The following SNAPC4 variants were observed in gnomAD, a reference collection of about 807,000 sequenced individuals.
SNAPC4 encodes the protein snRNA-activating protein complex subunit 4.
A neutral mutation model predicts 151.3 loss-of-function variants in SNAPC4; 127 were observed. That is an observed-to-expected ratio of 0.84 (90% CI 0.73 to 0.97). SNAPC4 has a LOEUF of 0.97. SNAPC4 is among the 50% of genes least tolerant of loss of function. The pLI is 0.00. For missense variants in SNAPC4, 2,186 were observed against 1,935.0 expected (o/e 1.13, Z -2.43); for synonymous variants, 1,002 against 824.4 (o/e 1.22, Z -3.69).
chr9:136,387,766 A>G lies in SNAPC4; in HGVS notation c.1206T>C (p.Gly402=). 1 of 1,611,414 alleles carries G rather than the reference A, an allele frequency of 6.2e-7. No individual in the cohort carries two copies. The highest frequency in any genetic ancestry group is 8.5e-7 in the Non-Finnish European group (1 of 1,177,664). The change falls in exon 12 of 24, where the codon GGT becomes GGC. Residue 402 remains glycine (G), a synonymous_variant. Transcript: ENST00000684778. ...TKSLDPGLKK[G]YWAPEEDAKL... is the part of the protein sequence containing the mutation. ...CAGCATCTTCCTCCGGGGCCCAGTA[A>G]CCCTTCTTCAGACCAGGATCCAAGC...
chr9:136,381,092 G>A (rs888366204), intron 19 of SNAPC4, among the ~76,000 whole-genome samples: 15 of 152,138 alleles, frequency 9.9e-5, no homozygotes, highest in African/African-American at 1.9e-4. Context: ...CTGGGGCCCC[G>A]GGGACCCCCT....
rs955267152 is a variant in SNAPC4 at position 136,392,534 on chromosome 9, A to C, written c.798T>G (p.Ile266Met). 1.2e-6 allele frequency: 2 copies of C among 1,613,652 alleles called. No individual in the cohort carries two copies. Among genetic ancestry groups the C allele is most frequent in the South Asian group, 1.1e-5 (1 of 91,080 alleles). Residue 266 changes from isoleucine (I) to methionine (M), a missense_variant, in exon 9 of 24, where the codon ATT becomes ATG. By Grantham distance (10) the Ile-to-Met change is conservative (BLOSUM62 1). Coordinates refer to ENST00000684778, the MANE Select transcript of SNAPC4 (RefSeq NM_003086.4). ...NRLDSHDWEK[I>M]SNINFEGSRS... ...GCCCCTGACTTACGTTAATATTGGA[A>C]ATCTTCTCCCAGTCGTGGCTGTCCA...
chr9:136,376,094 A>T (rs111360544), intron 23 of SNAPC4, among the ~76,000 whole-genome samples: 10,806 of 152,242 alleles, frequency 0.071, 516 homozygotes, highest in Middle Eastern at 0.15. Context: ...AGGAGCCCAG[A>T]CCCCAAAGGC....
rs373273440 is a variant in SNAPC4, at chr9:136,383,490, A to C, written c.1679T>G (p.Leu560Arg). ...GTCCGGGACCATGTACTGTGGGGAC[A>C]GCAGCGCTCTGTCACCCTCCCCGGC... ...AQAGEGDRAL[L>R]SPQYMVPDMD... Residue 560 changes from leucine (L) to arginine (R), a missense_variant, in exon 16 of 24, where the codon CTG (leucine) becomes CGG (arginine). Coordinates refer to ENST00000684778, the MANE Select transcript of SNAPC4 (RefSeq NM_003086.4). The surrounding 1 kb of genome is among the most constrained non-coding windows in gnomAD (Gnocchi z 4.2). 4 of 1,570,062 alleles carry C rather than the reference A, an allele frequency of 2.5e-6. No homozygotes were observed. In the African/African-American group the frequency reaches 4.1e-5, roughly 16 times the overall value.
intron 3 of SNAPC4, among the ~76,000 whole-genome samples, chr9:136,396,080 T>C (rs1489756129): frequency 6.6e-6 from 1 of 152,192 alleles, no homozygotes; most frequent in East Asian, 1.9e-4. Flanking sequence ...ACCACAGGCG[T>C]CCTGTGAACC....
chr9:136,399,120 T>G (rs1834368278), intron 1 of SNAPC4, among the ~76,000 whole-genome samples: 1 of 151,654 alleles, frequency 6.6e-6, no homozygotes, highest in African/African-American at 2.4e-5. Flanking sequence ...AGAGAGAGAG[T>G]GGGAGAATGA....
rs1405793623 is a variant in SNAPC4, at chr9:136,392,093, C to T, written c.824G>A (p.Arg275His). Residue 275 changes from arginine (R) to histidine (H), a missense_variant, in exon 10 of 24, where the codon CGC (arginine) becomes CAC (histidine). Transcript: ENST00000684778. The stretch of plus-strand genomic sequence containing the variant: ...GAACTTCCGGATCTCCTCTGCACTG[C>T]GGCTGCCTTCAAACTGCACCGACAG... ...KISNINFEGS[R>H]SAEEIRKFWQ... 5.0e-6 allele frequency: 8 copies of T among 1,612,134 alleles called. No individual in the cohort carries two copies. The highest frequency in any genetic ancestry group is 1.7e-5 in the Admixed American group (1 of 60,000).
Position 136,383,342 on chromosome 9 carries a change from G to T in SNAPC4, c.1827C>A (p.Gly609=), listed in dbSNP as rs899082083. Reference sequence around the variant, plus strand: ...CTGTGGTGGAAGCTTCCTTGCTGCCGCCCTGGCTGGCACTGGACCCCTTGG... The same window carrying T: ...CTGTGGTGGAAGCTTCCTTGCTGCCTCCCTGGCTGGCACTGGACCCCTTGG... The part of the protein sequence containing the change: ...SPPKGSSASQ[G]GSKEASTTAA... Residue 609 remains glycine, a synonymous_variant, in exon 16 of 24, where the codon GGC becomes GGA. Transcript: ENST00000684778. This position sits in a 1 kb window ranked among gnomAD's most constrained non-coding sequence, Gnocchi z 4.2. 6.2e-7 allele frequency: 1 copy of T among 1,609,058 alleles called. No homozygotes were observed.
rs1833776335 is a variant in SNAPC4 at position 136,383,459 on chromosome 9, G to A, written c.1710C>T (p.Asp570=). 6.4e-7 allele frequency: 1 copy of A among 1,562,304 alleles called. No individual in the cohort carries two copies. The highest frequency in any genetic ancestry group is 1.2e-5 in the South Asian group (1 of 86,020). ...TGCTCTGCCTGGCAGGAACCCACAG[G>A]TCCATGTCCGGGACCATGTACTGTG... ...LSPQYMVPDM[D]LWVPARQSTS... Residue 570 remains aspartate, a synonymous_variant, in exon 16 of 24, where the codon GAC becomes GAT. Transcript: ENST00000684778. The surrounding 1 kb of genome is among the most constrained non-coding windows in gnomAD (Gnocchi z 4.2).
chr9:136,383,149 G>A lies in SNAPC4; in HGVS notation c.1983+37C>T, dbSNP rs771459816. On this transcript the variant is annotated intron_variant, in intron 16 of 23. Coordinates refer to ENST00000684778, the MANE Select transcript of SNAPC4 (RefSeq NM_003086.4). The surrounding 1 kb of genome is among the most constrained non-coding windows in gnomAD (Gnocchi z 4.2). ...CAGCCCTGGCGAGCGAGTGCCGAAA[G>A]TGCACTTCCCGTGGTACACCCAGGG... 2 of 1,510,698 alleles carry A rather than the reference G, an allele frequency of 1.3e-6. No individual in the cohort carries two copies. The highest frequency in any genetic ancestry group is 1.8e-6 in the Non-Finnish European group (2 of 1,131,072). 93.6% of individuals were successfully genotyped at this position (1,510,698 alleles called of 1,614,324 possible). A position where few individuals can be genotyped will look rare whatever the true frequency, so the allele number is the denominator to read the frequency against.
rs1833569886 is a variant in SNAPC4 at position 136,378,743 on chromosome 9, G to A, written c.3084C>T (p.Ala1028=). The change falls in exon 22 of 24, where the codon GCC becomes GCT. Residue 1028 remains alanine (A), a synonymous_variant. Transcript: ENST00000684778. The stretch of plus-strand genomic sequence containing the variant: ...GGCCCTGCTTCCGGGATGCAGCGGG[G>A]GCCTGAGACTGTCCGAGACCACTCT... ...CPESGLGQSQ[A]PAASRKQGLP... The A allele has an allele frequency of 6.6e-7, 1 of 1,519,202 alleles. No individual in the cohort carries two copies. Among genetic ancestry groups the A allele is most frequent in the Non-Finnish European group, 8.8e-7 (1 of 1,133,600 alleles). The allele number at this position is 1,519,202 out of a possible 1,614,324, so 94.1% of individuals were successfully genotyped here.
chr9:136,398,525 G>A, intron 1 of SNAPC4, 88 bp from the exon 2 acceptor site: 2 of 1,485,756 alleles, frequency 1.3e-6, no homozygotes, highest in African/African-American at 1.4e-5. Flanking sequence ...CATGGGGGAT[G>A]GCAGGAGCCT....
At chr9:136,398,928 G>A (rs868779428) in intron 1 of SNAPC4, 1 of 155,542 alleles carries the variant, frequency 6.4e-6, no homozygotes, top group Admixed American at 6.2e-5. Context: ...CACACACTGA[G>A]ACTGCCCAGG....
At position 136,379,050 on chromosome 9, in the gene SNAPC4, G is replaced by A. The variant is rs998291084; in HGVS notation, c.2777C>T (p.Ser926Phe). The change falls in exon 22 of 24, where the codon TCT becomes TTT. Residue 926 changes from serine (S) to phenylalanine (F), a missense_variant. Ser to Phe is a radical substitution (Grantham distance 155, BLOSUM62 -2). Coordinates refer to ENST00000684778, the MANE Select transcript of SNAPC4 (RefSeq NM_003086.4). ...VLPSQLLVSS[S>F]VILQPPLPHT... is the part of the protein sequence containing the mutation. ...TGGTAGAGGGGGCTGGAGGATCACA[G>A]ACGAGGAGACCAGCAGCTGGGACGG... 1 of 1,591,474 alleles carries A rather than the reference G, an allele frequency of 6.3e-7. No individual in the cohort carries two copies. Among genetic ancestry groups the A allele is most frequent in the Non-Finnish European group, 8.5e-7 (1 of 1,169,592 alleles).
At chr9:136,399,478 C>CA (rs1291998048) in intron 1 of SNAPC4, among the ~76,000 whole-genome samples, 8 of 152,246 alleles carry the variant, frequency 5.3e-5, no homozygotes, top group Non-Finnish European at 1.2e-4. Flanking sequence ...GGAAGCCTCA[C>CA]ACGAGGCTGC....
At chr9:136,380,106 A>C (rs932550643) in intron 20 of SNAPC4, among the ~76,000 whole-genome samples, 1 of 152,140 alleles carries the variant, frequency 6.6e-6, no homozygotes, top group African/African-American at 2.4e-5. Flanking sequence ...GCGGTGCTGG[A>C]GACACGCTCT....
chr9:136,384,114 C>A, intron 14 of SNAPC4, 82 bp from the exon 15 acceptor site: 7 of 1,208,632 alleles, frequency 5.8e-6, no homozygotes, highest in Non-Finnish European at 8.3e-6. Context: ...AGGAGACTCG[C>A]CGTGGCCCCA....
intron 3 of SNAPC4, among the ~76,000 whole-genome samples, chr9:136,396,758 G>GA (rs1834288297): frequency 1.3e-5 from 2 of 152,200 alleles, no homozygotes; most frequent in South Asian, 4.1e-4. Context: ...AATGAGCTCA[G>GA]AAAAAACCCA....
rs1833831492 is a variant in SNAPC4 at position 136,384,756 on chromosome 9, C to A, written c.1384G>T (p.Glu462Ter). 1.3e-6 allele frequency: 2 copies of A among 1,583,752 alleles called. No individual in the cohort carries two copies. The highest frequency in any genetic ancestry group is 2.7e-5 in the African/African-American group (2 of 74,212). ...TTTTCTATTAATTCAATTAACTGTT[C>A]CTCTTCTTTTAAATTCCACCGACCC... ...KKGRWNLKEE[E>*]QLIELIEKYG... The change falls in exon 14 of 24, where the codon GAA becomes TAA. Residue 462 changes from glutamate (E) to a stop codon, truncating the protein, a stop_gained. Coordinates refer to ENST00000684778, the MANE Select transcript of SNAPC4 (RefSeq NM_003086.4). LOFTEE classifies it high-confidence loss of function.
Sources: gnomAD v4.1 joint callset for allele counts (sites outside exome capture counted in the v4.1 genomes callset) on GRCh38, gnomAD v4.1.1 for gene constraint, Gnocchi (gnomAD v3.1) non-coding constraint, MANE v1.5 for transcripts, NCBI Gene and HGNC (gene_info 2026-07-23, HGNC 2026-07-21) for gene names.